PREX2: variants seen among roughly 807,000 people sequenced by gnomAD.
PREX2 encodes phosphatidylinositol-3,4,5-trisphosphate dependent Rac exchange factor 2.
A neutral mutation model predicts 203.2 loss-of-function variants in PREX2; 107 were observed. The observed-to-expected ratio is 0.53, with a 90% confidence interval of 0.45 to 0.62. PREX2 has a LOEUF of 0.62. Among genes scored for constraint, PREX2 ranks in the 20% least tolerant of loss-of-function variants. PREX2 has a pLI of 0.00. For missense variants in PREX2, 1,777 were observed against 1,955.9 expected, an observed-to-expected ratio of 0.91 and a Z score of 1.72; for synonymous variants, 672 against 663.6, an observed-to-expected ratio of 1.01 and a Z score of -0.19.
chr8:68,211,403 T>C (rs1372997390), intron 37 of PREX2, among the ~76,000 whole-genome samples: 1 of 152,200 alleles, frequency 6.6e-6, no homozygotes, highest in Non-Finnish European at 1.5e-5. Flanking sequence ...TTTTAAATAG[T>C]TGAAATATGA....
intron 25 of PREX2, among the ~76,000 whole-genome samples, chr8:68,112,819 A>G (rs368587763): frequency 5.9e-4 from 90 of 152,296 alleles, no homozygotes; most frequent in African/African-American, 2.1e-3. Flanking sequence ...GGGGAAAATA[A>G]TAATACCTAC....
intron 14 of PREX2, among the ~76,000 whole-genome samples, chr8:68,075,543 A>G (rs1315740369): frequency 6.6e-6 from 1 of 152,170 alleles, no homozygotes; most frequent in Non-Finnish European, 1.5e-5. Flanking sequence ...ATCCCCAGGT[A>G]TATCTGCCTC....
chr8:68,028,598 C>A (rs1417467318), intron 5 of PREX2, among the ~76,000 whole-genome samples: 1 of 151,888 alleles, frequency 6.6e-6, no homozygotes, highest in African/African-American at 2.4e-5. Flanking sequence ...TTGCTTAAGC[C>A]ATAAAAAGCC....
Position 68,044,367 on chromosome 8 carries a change from A to C in PREX2, c.840-120A>C. On this transcript the variant is annotated intron_variant, in intron 7 of 39. Coordinates refer to ENST00000288368, the MANE Select transcript of PREX2 (RefSeq NM_024870.4). ...AAATGGAAAGATCTCCAGGAGTCTA[A>C]TGTTTGATATTGTCGATTGAATTGG... 3.0e-6 allele frequency: 2 copies of C among 665,206 alleles called. 1 individual carries two copies. Among genetic ancestry groups the C allele is most frequent in the South Asian group, 4.0e-5 (2 of 49,914 alleles). 41.2% of individuals were successfully genotyped at this position (665,206 alleles called of 1,614,324 possible). A position where few individuals can be genotyped will look rare whatever the true frequency, so the allele number is the denominator to read the frequency against.
intron 1 of PREX2, among the ~76,000 whole-genome samples, chr8:67,996,856 A>G (rs775849323): frequency 1.1e-4 from 16 of 152,108 alleles, no homozygotes; most frequent in African/African-American, 3.4e-4. Flanking sequence ...TATTTTCTCC[A>G]TAGGGATGGA....
chr8:68,147,556 G>A (rs1338256650), intron 34 of PREX2, among the ~76,000 whole-genome samples: 3 of 152,150 alleles, frequency 2.0e-5, no homozygotes, highest in Non-Finnish European at 4.4e-5. Context: ...CACTATGATT[G>A]TGAGGCCTCC....
chr8:68,224,493 T>C (rs1813017501), intron 38 of PREX2, 66 bp from the exon 39 acceptor site: 1 of 1,220,372 alleles, frequency 8.2e-7, no homozygotes. Context: ...TACACACAAA[T>C]GTTAATGGTA....
intron 1 of PREX2, among the ~76,000 whole-genome samples, chr8:68,000,610 G>A (rs185637566): frequency 5.9e-5 from 9 of 152,104 alleles, no homozygotes; most frequent in Admixed American, 3.3e-4. Context: ...TAAAATTTAC[G>A]TGGAACCAAA....
intron 15 of PREX2, 71 bp downstream of exon 15, chr8:68,077,540 C>G: frequency 2.0e-5 from 21 of 1,062,956 alleles, no homozygotes; most frequent in Non-Finnish European, 2.8e-5. Flanking sequence ...CTGCAACACC[C>G]AGTGCTGCAG....
At position 68,235,328 on chromosome 8, in the gene PREX2, A is replaced by G. The variant is rs1255132120; in HGVS notation, c.*3950A>G. Reference sequence around the variant, plus strand: ...AGTGGTATTGAAACTAACCTTTAATATTTGACTAAATTGCTTGTGAATTTT... The same window carrying G: ...AGTGGTATTGAAACTAACCTTTAATGTTTGACTAAATTGCTTGTGAATTTT... On this transcript the variant is annotated 3_prime_UTR_variant, in exon 40 of 40. Transcript: ENST00000288368. 1 of 152,146 alleles carries G rather than the reference A, an allele frequency of 6.6e-6. No individual in the cohort carries two copies. The highest frequency in any genetic ancestry group is 2.4e-5 in the African/African-American group (1 of 41,452). The allele number at this position is 152,146 out of a possible 1,614,324, so 9.4% of individuals were successfully genotyped here.
intron 23 of PREX2, chr8:68,103,576 G>C (rs762988727): frequency 1.9e-6 from 1 of 518,820 alleles, no homozygotes; most frequent in Non-Finnish European, 3.8e-6. Context: ...CCTGGAAAAG[G>C]CTGTCTATAC....
Position 68,077,482 on chromosome 8 carries a change from T to C in PREX2, c.1642+13T>C. ...TTTATGCACCATGGTAGGGATTTTT[T>C]ACCCTGGGAGCTTACAGATGTATTT... On this transcript the variant is annotated intron_variant, in intron 15 of 39. Transcript: ENST00000288368. 1.3e-6 allele frequency: 2 copies of C among 1,583,476 alleles called. No individual in the cohort carries two copies. The highest frequency in any genetic ancestry group is 8.7e-7 in the Non-Finnish European group (1 of 1,152,122).
chr8:68,021,941 T>C (rs748015303), intron 3 of PREX2, 95 bp from the exon 4 acceptor site: 39 of 678,256 alleles, frequency 5.8e-5, no homozygotes, highest in Non-Finnish European at 1.0e-4. Flanking sequence ...TAAAACGTAG[T>C]AAACACTCAG....
At chr8:68,112,718 T>A (rs979049306) in intron 25 of PREX2, among the ~76,000 whole-genome samples, 2 of 152,120 alleles carry the variant, frequency 1.3e-5, no homozygotes, top group African/African-American at 2.4e-5. Context: ...CCCTCCAGAG[T>A]GTGCAAGTTA....
intron 33 of PREX2, among the ~76,000 whole-genome samples, chr8:68,139,290 C>T (rs1055759048): frequency 3.3e-5 from 5 of 152,010 alleles, no homozygotes; most frequent in African/African-American, 1.2e-4. Flanking sequence ...GGAGAGCAGG[C>T]CCTGAAAAGG....
chr8:68,133,653 C>G lies in PREX2; in HGVS notation c.3767-406C>G, dbSNP rs112485507. On this transcript the variant is annotated intron_variant, in intron 31 of 39. Transcript: ENST00000288368. ...TAAAATTGTATTAATAATATTGTAT[C>G]TAATTTGCCAACAAAAACTGACGAA... Among the ~76,000 whole-genome samples, 969 of 152,170 alleles carry G rather than the reference C, an allele frequency of 6.4e-3. 11 individuals are homozygous for G. Among genetic ancestry groups the G allele is most frequent in the African/African-American group, 0.022 (906 of 41,522 alleles).
chr8:68,036,928 G>A (rs1808052398), intron 6 of PREX2, among the ~76,000 whole-genome samples: 1 of 151,794 alleles, frequency 6.6e-6, no homozygotes, highest in African/African-American at 2.4e-5. Flanking sequence ...CAAGAAGAGT[G>A]AAACTCCATT....
chr8:68,173,691 A>G lies in PREX2; in HGVS notation c.4346+16255A>G, dbSNP rs532786625. ...TACCTATGGGTTTTTTATTTTTGTG[A>G]TAAGTCCTTCGTTGTGATAATATTT... On this transcript the variant is annotated intron_variant, in intron 35 of 39. Transcript: ENST00000288368. 2.6e-5 allele frequency among the ~76,000 whole-genome samples: 4 copies of G among 152,264 alleles called. No individual in the cohort carries two copies. The South Asian group carries it at 8.3e-4, about 32-fold the overall frequency.
rs760556079 is a variant in PREX2, at chr8:68,097,201, G to A, written c.2553G>A (p.Lys851=). Residue 851 remains lysine, a splice_region_variant and synonymous_variant, in exon 22 of 40, where the codon AAG becomes AAA. Coordinates refer to ENST00000288368, the MANE Select transcript of PREX2 (RefSeq NM_024870.4). ...EPKGFFSLTA[K]ILEALAKSDE... is the part of the protein sequence containing the mutation. ...AAGGTTTCTTCAGCTTAACTGCCAA[G>A]GTAGGAGCGATGCTGAAGAAATAAG... The A allele has an allele frequency of 1.2e-6, 2 of 1,607,954 alleles. No homozygotes were observed. The highest frequency in any genetic ancestry group is 2.2e-5 in the East Asian group (1 of 44,706).
Sources: allele counts gnomAD v4.1 joint callset (sites outside exome capture counted in the v4.1 genomes callset), GRCh38; gene constraint gnomAD v4.1.1; transcripts MANE v1.5; gene names NCBI Gene and HGNC (gene_info 2026-07-23, HGNC 2026-07-21).